The following HOXA7 variants were observed in gnomAD, a reference collection of about 807,000 sequenced individuals.
HOXA7 encodes homeobox protein Hox-A7.
HOXA7 carries 16 observed loss-of-function variants against 16.8 expected under a neutral mutation model. That is an observed-to-expected ratio of 0.95 (90% CI 0.64 to 1.44). HOXA7 has a LOEUF of 1.44. HOXA7 is among the 40% of genes most tolerant of loss of function. The pLI is 0.00. For missense variants in HOXA7, 379 were observed against 328.6 expected (o/e 1.15, Z -1.19); for synonymous variants, 169 against 144.3 (o/e 1.17, Z -1.23).
Position 27,156,603 on chromosome 7 carries a change from GTGAT to G in HOXA7, c.-62_-59del. On this transcript the variant is annotated 5_prime_UTR_variant, in exon 1 of 2. Transcript: ENST00000242159. ...TTCAGTGTCGGTTTTACGAGGTAGA[GTGAT>G]ATATGATAACATTACACCCCCAGAT... is the stretch of plus-strand genomic sequence containing the variant. 6.6e-7 allele frequency: 1 copy of G among 1,510,822 alleles called. No individual in the cohort carries two copies. The highest frequency in any genetic ancestry group is 1.4e-5 in the African/African-American group (1 of 71,810). The allele number at this position is 1,510,822 out of a possible 1,614,324, so 93.6% of individuals were successfully genotyped here.
At position 27,154,819 on chromosome 7, in the gene HOXA7, T is replaced by C; in HGVS notation, c.*90A>G. ...TGTTTTTGTTTTTTACATTTTCTTT[T>C]ATTTTTCCCATTTTTGTAAGTAAAA... On this transcript the variant is annotated 3_prime_UTR_variant, in exon 2 of 2. Coordinates refer to ENST00000242159, the MANE Select transcript of HOXA7 (RefSeq NM_006896.4). The C allele has an allele frequency of 2.7e-6, 4 of 1,470,862 alleles. No homozygotes were observed. The highest frequency in any genetic ancestry group is 3.6e-6 in the Non-Finnish European group (4 of 1,112,494). The allele number at this position is 1,470,862 out of a possible 1,614,324, so 91.1% of individuals were successfully genotyped here. A position where few individuals can be genotyped will look rare whatever the true frequency, so the allele number is the denominator to read the frequency against.
chr7:27,154,677 G>T lies in HOXA7; in HGVS notation c.*232C>A. 1 of 615,962 alleles carries T rather than the reference G, an allele frequency of 1.6e-6. No individual in the cohort carries two copies. The allele number at this position is 615,962 out of a possible 1,614,324, so 38.2% of individuals were successfully genotyped here. A position where few individuals can be genotyped will look rare whatever the true frequency, so the allele number is the denominator to read the frequency against. ...GTGTCTTTTGGGGTCCTCGGAGGCAGAGGGAATCCAAGGCGACCCAGTCTC... is the reference window on the plus strand; with the variant it reads ...GTGTCTTTTGGGGTCCTCGGAGGCATAGGGAATCCAAGGCGACCCAGTCTC... On this transcript the variant is annotated 3_prime_UTR_variant, in exon 2 of 2. Transcript: ENST00000242159.
At chr7:27,155,523 CTG>C in intron 1 of HOXA7, 1 of 450,976 alleles carries the variant, frequency 2.2e-6, no homozygotes, top group Non-Finnish European at 4.0e-6. Flanking sequence ...CAAAGGAAAA[CTG>C]TAAATATAGA....
rs775554939 is a variant in HOXA7 at position 27,154,880 on chromosome 7, C to A, written c.*29G>T. Reference sequence around the variant, plus strand: ...TCTTAAAGACGCTTTTCCGACTGTCCGGTGCAGAGAGGGCCCCGGATCGGC... The same window carrying A: ...TCTTAAAGACGCTTTTCCGACTGTCAGGTGCAGAGAGGGCCCCGGATCGGC... On this transcript the variant is annotated 3_prime_UTR_variant, in exon 2 of 2. Transcript: ENST00000242159. 1.3e-5 allele frequency: 21 copies of A among 1,580,134 alleles called. No individual in the cohort carries two copies. The African/African-American group carries it at 2.7e-4, about 21-fold the overall frequency.
At position 27,154,782 on chromosome 7, in the gene HOXA7, C is replaced by CT; in HGVS notation, c.*126dup. On this transcript the variant is annotated 3_prime_UTR_variant, in exon 2 of 2. Coordinates refer to ENST00000242159, the MANE Select transcript of HOXA7 (RefSeq NM_006896.4). ...AGAGTGCAGGTTGGGGACTGGGTTG[C>CT]TTTTTTGTTTTTGTTTTTGTTTTTT... is the stretch of plus-strand genomic sequence containing the variant. 1 of 1,398,862 alleles carries CT rather than the reference C, an allele frequency of 7.1e-7. No homozygotes were observed. The allele number at this position is 1,398,862 out of a possible 1,614,324, so 86.7% of individuals were successfully genotyped here.
rs982990804 is a variant in HOXA7, at chr7:27,154,244, A to C, written c.*665T>G. On this transcript the variant is annotated 3_prime_UTR_variant, in exon 2 of 2. Coordinates refer to ENST00000242159, the MANE Select transcript of HOXA7 (RefSeq NM_006896.4). ...GAGGGATTGATTCTAGGGTGCAAGC[A>C]CTTAGGATGCTTTTTGGAATAAATA... is the stretch of plus-strand genomic sequence containing the variant. The C allele has an allele frequency of 2.0e-5, 3 of 152,362 alleles. No homozygotes were observed. The highest frequency in any genetic ancestry group is 2.9e-5 in the Non-Finnish European group (2 of 68,124). 9.4% of individuals were successfully genotyped at this position (152,362 alleles called of 1,614,324 possible).
In HOXA7 at chr7:27,155,145, G is replaced by A; in HGVS notation, c.457C>T (p.Arg153Cys). The A allele has an allele frequency of 1.9e-6, 3 of 1,614,274 alleles. No individual in the cohort carries two copies. Among genetic ancestry groups the A allele is most frequent in the Non-Finnish European group, 2.5e-6 (3 of 1,180,058 alleles). The change falls in exon 2 of 2, where the codon CGC (arginine) becomes TGC (cysteine). Residue 153 changes from arginine to cysteine, a missense_variant. Physicochemically the swap from Arg to Cys is radical, Grantham distance 180. Transcript: ENST00000242159. Reference protein sequence around the residue: ...LELEKEFHFNRYLTRRRRIEI... With the variant: ...LELEKEFHFNCYLTRRRRIEI... ...ATGCGGCGGCGCCGCGTCAGGTAGC[G>A]GTTGAAGTGGAACTCCTTCTCCAGC...
Position 27,155,061 on chromosome 7 carries a change from G to A in HOXA7, c.541C>T (p.Arg181Cys). The A allele has an allele frequency of 1.2e-6, 2 of 1,614,238 alleles. No homozygotes were observed. Among genetic ancestry groups the A allele is most frequent in the Non-Finnish European group, 1.7e-6 (2 of 1,180,044 alleles). Residue 181 changes from arginine (R) to cysteine (C), a missense_variant, in exon 2 of 2, where the codon CGC becomes TGC. Coordinates refer to ENST00000242159, the MANE Select transcript of HOXA7 (RefSeq NM_006896.4). ...TGCTCTTTCTTCCACTTCATGCGGC[G>A]GTTCTGGAACCAGATCTTAATCTGG... is the stretch of plus-strand genomic sequence containing the variant. ...ERQIKIWFQN[R>C]RMKWKKEHKD...
intron 1 of HOXA7, chr7:27,155,486 G>A (rs530294500): frequency 5.7e-6 from 3 of 523,462 alleles, no homozygotes; most frequent in South Asian, 5.9e-5. Flanking sequence ...AGCCGGCTAA[G>A]CTTCCACAAT....
intron 1 of HOXA7, 79 bp downstream of exon 1, chr7:27,156,088 C>A (rs1783100944): frequency 7.3e-7 from 1 of 1,371,840 alleles, no homozygotes; most frequent in Admixed American, 3.4e-5. Context: ...CCGCGCCCCG[C>A]GCTCCGCGCT....
chr7:27,154,801 G>T lies in HOXA7; in HGVS notation c.*108C>A. On this transcript the variant is annotated 3_prime_UTR_variant, in exon 2 of 2. Coordinates refer to ENST00000242159, the MANE Select transcript of HOXA7 (RefSeq NM_006896.4). ...GGGTTGCTTTTTTGTTTTTGTTTTTGTTTTTTACATTTTCTTTTATTTTTC... is the reference window on the plus strand; with the variant it reads ...GGGTTGCTTTTTTGTTTTTGTTTTTTTTTTTTACATTTTCTTTTATTTTTC... The T allele has an allele frequency of 2.1e-6, 3 of 1,431,328 alleles. No individual in the cohort carries two copies. The highest frequency in any genetic ancestry group is 1.4e-5 in the African/African-American group (1 of 69,478). 88.7% of individuals were successfully genotyped at this position (1,431,328 alleles called of 1,614,324 possible). A position where few individuals can be genotyped will look rare whatever the true frequency, so the allele number is the denominator to read the frequency against.
In HOXA7 at chr7:27,155,000, TCGGGAG is replaced by T. The variant is rs1562737300; in HGVS notation, c.596_601del (p.Ala199_Pro200del). ...GGCGGCGGCAGAGGGCACGGCGCCC[TCGGGAG>T]CTGCGGCGGCAGTCGGACCTTCGTC... On this transcript the variant is annotated inframe_deletion, in exon 2 of 2. Coordinates refer to ENST00000242159, the MANE Select transcript of HOXA7 (RefSeq NM_006896.4). 1 of 1,614,048 alleles carries T rather than the reference TCGGGAG, an allele frequency of 6.2e-7. No homozygotes were observed. Among genetic ancestry groups the T allele is most frequent in the East Asian group, 2.2e-5 (1 of 44,874 alleles).
Position 27,156,189 on chromosome 7 carries a change from G to A in HOXA7, c.357C>T (p.Ile119=). ...TACCTGAAGACCGCATCCAGGGGTAGATGCGGAAATTGGCCTCAGCCGCGC... is the reference window on the plus strand; with the variant it reads ...TACCTGAAGACCGCATCCAGGGGTAAATGCGGAAATTGGCCTCAGCCGCGC... ...LHGAAEANFR[I]YPWMRSSGPD... The change falls in exon 1 of 2, where the codon ATC becomes ATT. Residue 119 remains isoleucine (I), a synonymous_variant. Transcript: ENST00000242159. The A allele has an allele frequency of 6.3e-7, 1 of 1,580,462 alleles. No individual in the cohort carries two copies. The highest frequency in any genetic ancestry group is 8.6e-7 in the Non-Finnish European group (1 of 1,162,406).
intron 1 of HOXA7, chr7:27,155,621 CT>C: frequency 4.5e-6 from 1 of 221,808 alleles, no homozygotes; most frequent in Non-Finnish European, 9.0e-6. Context: ...GTGGGCGACT[CT>C]TCCCAGCAGC....
chr7:27,156,114 C>CCCCGCTCCCGGT (rs1362342964), intron 1 of HOXA7, 53 bp downstream of exon 1: 2 of 1,420,344 alleles, frequency 1.4e-6, no homozygotes, highest in South Asian at 1.6e-5. Context: ...GCGCTGCGCT[C>CCCCGCTCCCGGT]CCCGCTCCCG....
rs1477614987 is a variant in HOXA7, at chr7:27,154,633, G to A, written c.*276C>T. 1.0e-5 allele frequency: 5 copies of A among 489,722 alleles called. No individual in the cohort carries two copies. Among genetic ancestry groups the A allele is most frequent in the African/African-American group, 2.0e-5 (1 of 51,260 alleles). 30.3% of individuals were successfully genotyped at this position (489,722 alleles called of 1,614,324 possible). On this transcript the variant is annotated 3_prime_UTR_variant, in exon 2 of 2. Coordinates refer to ENST00000242159, the MANE Select transcript of HOXA7 (RefSeq NM_006896.4). ...ATTTTGGACGCGCCAGAGCAGGGCC[G>A]GCTGGCCTGGGGTTGGGGGTGTCTT... is the stretch of plus-strand genomic sequence containing the variant.
chr7:27,154,879 C>G lies in HOXA7; in HGVS notation c.*30G>C, dbSNP rs1287702487. On this transcript the variant is annotated 3_prime_UTR_variant, in exon 2 of 2. Coordinates refer to ENST00000242159, the MANE Select transcript of HOXA7 (RefSeq NM_006896.4). Reference sequence around the variant, plus strand: ...CTCTTAAAGACGCTTTTCCGACTGTCCGGTGCAGAGAGGGCCCCGGATCGG... The same window carrying G: ...CTCTTAAAGACGCTTTTCCGACTGTGCGGTGCAGAGAGGGCCCCGGATCGG... 1.3e-6 allele frequency: 2 copies of G among 1,580,306 alleles called. No individual in the cohort carries two copies. The highest frequency in any genetic ancestry group is 2.7e-5 in the African/African-American group (2 of 73,256).
intron 1 of HOXA7, 128 bp downstream of exon 1, chr7:27,156,039 G>T: frequency 8.8e-7 from 1 of 1,137,482 alleles, no homozygotes; most frequent in Non-Finnish European, 1.1e-6. Flanking sequence ...GAGTCACGGG[G>T]CTACCGGCTC....
rs1447636594 is a variant in HOXA7, at chr7:27,155,038, C to T, written c.564G>A (p.Glu188=). ...FQNRRMKWKK[E]HKDEGPTAAA... ...CGGCAGTCGGACCTTCGTCCTTATGCTCTTTCTTCCACTTCATGCGGCGGT... is the reference window on the plus strand; with the variant it reads ...CGGCAGTCGGACCTTCGTCCTTATGTTCTTTCTTCCACTTCATGCGGCGGT... Residue 188 remains glutamate (E), a synonymous_variant, in exon 2 of 2, where the codon GAG becomes GAA. Transcript: ENST00000242159. 3 of 1,614,216 alleles carry T rather than the reference C, an allele frequency of 1.9e-6. No homozygotes were observed. Among genetic ancestry groups the T allele is most frequent in the Admixed American group, 1.7e-5 (1 of 60,030 alleles).
Sources: allele counts gnomAD v4.1 joint callset, GRCh38; gene constraint gnomAD v4.1.1; transcripts MANE v1.5; gene names NCBI Gene and HGNC (gene_info 2026-07-23, HGNC 2026-07-21).